SHOC1: variants seen among roughly 807,000 people sequenced by gnomAD.
SHOC1 encodes protein shortage in chiasmata 1 ortholog.
In SHOC1, 136 loss-of-function variants were observed where a neutral mutation model predicts 179.2. The ratio of observed to expected loss-of-function variants is 0.76; its 90% CI spans 0.66 to 0.87. The LOEUF is 0.87. Ranked by LOEUF, SHOC1 falls within the 40% of genes least tolerant of loss-of-function variation. The pLI is 0.00. For missense variants in SHOC1, 1,538 were observed against 1,700.8 expected, an observed-to-expected ratio of 0.90 and a Z score of 1.68; for synonymous variants, 489 against 586.6, an observed-to-expected ratio of 0.83 and a Z score of 2.41.
chr9:111,727,899 C>A lies in SHOC1; in HGVS notation c.1568G>T (p.Gly523Val). 1 of 1,613,256 alleles carries A rather than the reference C, an allele frequency of 6.2e-7. No individual in the cohort carries two copies. Among genetic ancestry groups the A allele is most frequent in the South Asian group, 1.1e-5 (1 of 90,942 alleles). The stretch of plus-strand genomic sequence containing the variant: ...CTTTGGTTTTTCTTCTTTTGCTGCT[C>A]CTTTATCAGAGAAATAGTCATCAGA... ...CFSDDYFSDK[G>V]AAKEEKPKND... Residue 523 changes from glycine to valine, a missense_variant, in exon 13 of 28, where the codon GGA (glycine) becomes GTA (valine). Coordinates refer to ENST00000682961, the MANE Select transcript of SHOC1 (RefSeq NM_001378211.1).
Position 111,718,246 on chromosome 9 carries a change from A to G in SHOC1, c.2174T>C (p.Leu725Pro). ...TCTAATTGTTACCAGAAGATGTAAG[A>G]GAGCGGCATGCTTGAAAGTCATTTC... is the stretch of plus-strand genomic sequence containing the variant. Reference protein sequence around the residue: ...EREMTFKHAALLHLLVTIRDV... With the variant: ...EREMTFKHAAPLHLLVTIRDV... Residue 725 changes from leucine (L) to proline (P), a missense_variant, in exon 16 of 28, where the codon CTC (leucine) becomes CCC (proline). Transcript: ENST00000682961. 6.3e-7 allele frequency: 1 copy of G among 1,598,796 alleles called. No individual in the cohort carries two copies. Among genetic ancestry groups the G allele is most frequent in the Non-Finnish European group, 8.5e-7 (1 of 1,174,624 alleles).
intron 4 of SHOC1, among the ~76,000 whole-genome samples, chr9:111,780,130 G>A (rs1011076223): frequency 1.3e-5 from 2 of 152,056 alleles, no homozygotes; most frequent in Non-Finnish European, 2.9e-5. Flanking sequence ...TTCCTAACCT[G>A]ACTTTAAATT....
intron 12 of SHOC1, chr9:111,737,941 G>T: frequency 3.4e-6 from 1 of 292,504 alleles, no homozygotes; most frequent in South Asian, 1.2e-4. Flanking sequence ...GCAAAATGCT[G>T]GTTTGCGTCT....
intron 14 of SHOC1, among the ~76,000 whole-genome samples, chr9:111,723,116 A>T (rs1022914397): frequency 1.3e-5 from 2 of 152,164 alleles, no homozygotes; most frequent in African/African-American, 4.8e-5. Context: ...TCCATAATTA[A>T]CTTGACATGG....
intron 3 of SHOC1, among the ~76,000 whole-genome samples, chr9:111,785,478 C>A (rs1836229264): frequency 6.6e-6 from 1 of 152,094 alleles, no homozygotes; most frequent in Non-Finnish European, 1.5e-5. Context: ...ATGCTGTTAA[C>A]CGACTTGACT....
At chr9:111,759,499 T>C in intron 5 of SHOC1, 1 of 1,226,138 alleles carries the variant, frequency 8.2e-7, no homozygotes, top group Non-Finnish European at 1.0e-6. Flanking sequence ...CACCCTGCCT[T>C]GTCTGGGTTT....
rs1359074153 is a variant in SHOC1 at position 111,714,535 on chromosome 9, A to G, written c.2325T>C (p.Phe775=). 1 of 1,613,944 alleles carries G rather than the reference A, an allele frequency of 6.2e-7. No homozygotes were observed. The highest frequency in any genetic ancestry group is 8.5e-7 in the Non-Finnish European group (1 of 1,179,932). Residue 775 remains phenylalanine (F), a synonymous_variant, in exon 17 of 28, where the codon TTT becomes TTC. Coordinates refer to ENST00000682961, the MANE Select transcript of SHOC1 (RefSeq NM_001378211.1). The stretch of plus-strand genomic sequence containing the variant: ...TGGTTTCAGGCTTTTTCCCCCTAAT[A>G]AACTGTACAATCTCCAGCTGTCTCC... The part of the protein sequence containing the change: ...DIWRQLEIVQ[F]IRGKKPETNY...
At chr9:111,690,266 A>G (rs1166015573) in intron 27 of SHOC1, among the ~76,000 whole-genome samples, 2 of 152,130 alleles carry the variant, frequency 1.3e-5, no homozygotes, top group African/African-American at 4.8e-5. Context: ...TCTACTAAAA[A>G]TAGAAATGAA....
In SHOC1 at chr9:111,718,065, T is replaced by A. The variant is rs528685066; in HGVS notation, c.2236+119A>T. ...ATGTCAAAATGTATGTAATGCTTAGTATAATAGAAAAGAAGGCTACATCAT... is the reference window on the plus strand; with the variant it reads ...ATGTCAAAATGTATGTAATGCTTAGAATAATAGAAAAGAAGGCTACATCAT... On this transcript the variant is annotated intron_variant, in intron 16 of 27. Coordinates refer to ENST00000682961, the MANE Select transcript of SHOC1 (RefSeq NM_001378211.1). 42 of 626,312 alleles carry A rather than the reference T, an allele frequency of 6.7e-5. No individual in the cohort carries two copies. In the Admixed American group the frequency reaches 8.6e-4, roughly 13 times the overall value. 38.8% of individuals were successfully genotyped at this position (626,312 alleles called of 1,614,324 possible). A position where few individuals can be genotyped will look rare whatever the true frequency, so the allele number is the denominator to read the frequency against.
intron 12 of SHOC1, among the ~76,000 whole-genome samples, chr9:111,737,182 C>T (rs761783879): frequency 8.5e-5 from 13 of 152,172 alleles, no homozygotes; most frequent in South Asian, 2.1e-4. Flanking sequence ...AACAGAACTA[C>T]GTTCGACCCA....
At chr9:111,758,628 T>C (rs1239162473) in intron 6 of SHOC1, 67 bp downstream of exon 6, 12 of 1,366,566 alleles carry the variant, frequency 8.8e-6, no homozygotes, top group East Asian at 7.1e-5. Context: ...ACATCTAAGC[T>C]TGTGATCATA....
rs1288040223 is a variant in SHOC1 at position 111,727,695 on chromosome 9, A to G, written c.1772T>C (p.Leu591Pro). 1.4e-5 allele frequency: 22 copies of G among 1,607,720 alleles called. No individual in the cohort carries two copies. The highest frequency in any genetic ancestry group is 1.6e-5 in the Non-Finnish European group (19 of 1,178,210). ...DLDLLSDFIMLRNKYKTCTSK... is the reference protein window; with the variant it reads ...DLDLLSDFIMPRNKYKTCTSK... ...GGTGCAAGTCTTATATTTATTTCGC[A>G]GCATAATAAAGTCGCTCAAAAGGTC... Residue 591 changes from leucine (L) to proline (P), a missense_variant, in exon 13 of 28, where the codon CTG (leucine) becomes CCG (proline). Physicochemically the swap from Leu to Pro is moderately conservative, Grantham distance 98. Transcript: ENST00000682961.
At position 111,718,307 on chromosome 9, in the gene SHOC1, AT is replaced by A. The variant is rs1428001107; in HGVS notation, c.2132-20del. The A allele has an allele frequency of 9.4e-6, 14 of 1,490,906 alleles. No homozygotes were observed. The highest frequency in any genetic ancestry group is 1.3e-5 in the Non-Finnish European group (14 of 1,090,726). 92.4% of individuals were successfully genotyped at this position (1,490,906 alleles called of 1,614,324 possible). A position where few individuals can be genotyped will look rare whatever the true frequency, so the allele number is the denominator to read the frequency against. On this transcript the variant is annotated intron_variant, in intron 15 of 27. Coordinates refer to ENST00000682961, the MANE Select transcript of SHOC1 (RefSeq NM_001378211.1). ...ATTGTACCTAAGTAAGCAAAAATGT[AT>A]TTTAAAACATAGACTATACATTACA...
intron 2 of SHOC1, among the ~76,000 whole-genome samples, chr9:111,788,180 C>A (rs1360456789): frequency 2.0e-5 from 3 of 148,852 alleles, no homozygotes; most frequent in African/African-American, 7.4e-5. Context: ...TGCACTCCAG[C>A]CTGGATGACA....
At chr9:111,697,270 C>A (rs1297276402) in intron 24 of SHOC1, among the ~76,000 whole-genome samples, 2 of 151,720 alleles carry the variant, frequency 1.3e-5, no homozygotes, top group South Asian at 4.2e-4. Flanking sequence ...TATACATGTG[C>A]CATGTTGGAG....
chr9:111,735,190 A>AT lies in SHOC1; in HGVS notation c.1417+3089dup, dbSNP rs140714238. On this transcript the variant is annotated intron_variant, in intron 12 of 27. Transcript: ENST00000682961. Reference sequence around the variant, plus strand: ...CTATTCCATGGTGTGTATGTACCACATTTTTTTTTTATACTTTAAGTTCTG... The same window carrying AT: ...CTATTCCATGGTGTGTATGTACCACATTTTTTTTTTTATACTTTAAGTTCTG... Among the ~76,000 whole-genome samples the AT allele has an allele frequency of 4.4e-4, 66 of 148,850 alleles. 1 individual carries two copies. Among genetic ancestry groups the AT allele is most frequent in the African/African-American group, 1.5e-3 (59 of 40,642 alleles).
intron 24 of SHOC1, among the ~76,000 whole-genome samples, chr9:111,694,638 A>T (rs1312932020): frequency 6.6e-6 from 1 of 152,102 alleles, no homozygotes; most frequent in African/African-American, 2.4e-5. Flanking sequence ...ATTAAAATAT[A>T]GTGTTATATT....
intron 2 of SHOC1, among the ~76,000 whole-genome samples, chr9:111,786,682 T>C (rs1836274185): frequency 6.6e-6 from 1 of 152,154 alleles, no homozygotes; most frequent in Non-Finnish European, 1.5e-5. Flanking sequence ...TAATCTGTGA[T>C]CAGTGGTCTT....
chr9:111,779,409 T>C (rs1835954062), intron 4 of SHOC1, among the ~76,000 whole-genome samples: 1 of 152,154 alleles, frequency 6.6e-6, no homozygotes, highest in South Asian at 2.1e-4. Context: ...CTAAGATCTT[T>C]TTTCACCTTA....
Sources: gnomAD v4.1 joint callset for allele counts (sites outside exome capture counted in the v4.1 genomes callset) on GRCh38, gnomAD v4.1.1 for gene constraint, MANE v1.5 for transcripts, NCBI Gene and HGNC (gene_info 2026-07-23, HGNC 2026-07-21) for gene names.